TTC3: variants seen among roughly 807,000 people sequenced by gnomAD.
TTC3 encodes E3 ubiquitin-protein ligase TTC3.
Under a neutral mutation model 249.6 loss-of-function variants are expected in TTC3, and 180 were observed. That is an observed-to-expected ratio of 0.72 (90% CI 0.64 to 0.82). The LOEUF (loss-of-function observed/expected upper bound fraction) is 0.82. Among genes scored for constraint, TTC3 ranks in the 40% least tolerant of loss-of-function variants. TTC3 has a pLI of 0.00. For missense variants in TTC3, 2,061 were observed against 2,398.4 expected, an observed-to-expected ratio of 0.86 and a Z score of 2.94; for synonymous variants, 717 against 805.0, an observed-to-expected ratio of 0.89 and a Z score of 1.85.
At position 37,088,459 on chromosome 21, in the gene TTC3, C is replaced by T. The variant is rs1214494370; in HGVS notation, c.338+113C>T. 1.7e-5 allele frequency: 23 copies of T among 1,316,902 alleles called. No individual in the cohort carries two copies. In the East Asian group the frequency reaches 2.1e-4, roughly 12 times the overall value. 81.6% of individuals were successfully genotyped at this position (1,316,902 alleles called of 1,614,324 possible). On this transcript the variant is annotated intron_variant, in intron 4 of 45. Transcript: ENST00000355666. Reference sequence around the variant, plus strand: ...TGTCTTATTCTTGTATGCTGCTCAACGTTTGTGTAATAGGGTGGAAAAAAC... The same window carrying T: ...TGTCTTATTCTTGTATGCTGCTCAATGTTTGTGTAATAGGGTGGAAAAAAC...
intron 18 of TTC3, among the ~76,000 whole-genome samples, chr21:37,135,900 C>G (rs897924079): frequency 6.6e-5 from 10 of 152,108 alleles, no homozygotes; most frequent in Non-Finnish European, 1.5e-4. Context: ...TTGTGGCAAC[C>G]CTGTGTCAAG....
At chr21:37,200,413 G>C in intron 45 of TTC3, 89 bp downstream of exon 45, 1 of 1,360,862 alleles carries the variant, frequency 7.3e-7, no homozygotes, top group South Asian at 1.3e-5. Flanking sequence ...CTAGTCATCA[G>C]TATTTATTGT....
chr21:37,127,697 T>C (rs1212955014), intron 15 of TTC3, among the ~76,000 whole-genome samples: 2 of 152,182 alleles, frequency 1.3e-5, no homozygotes, highest in Non-Finnish European at 2.9e-5. Context: ...CTTGTCTTGT[T>C]TGTTGGGTGG....
At chr21:37,108,513 A>T in intron 11 of TTC3, 67 bp downstream of exon 11, 1 of 1,451,046 alleles carries the variant, frequency 6.9e-7, no homozygotes, top group East Asian at 2.3e-5. Flanking sequence ...ATCTGTTTAT[A>T]GGGTGTGTTT....
chr21:37,167,462 T>A (rs2081349248), intron 33 of TTC3, 93 bp from the exon 34 acceptor site: 3 of 885,830 alleles, frequency 3.4e-6, no homozygotes, highest in South Asian at 1.6e-5. Context: ...CTTGAAAAAA[T>A]TGTGGGTGTG....
rs762816588 is a variant in TTC3 at position 37,150,165 on chromosome 21, TG to T, written c.2207del (p.Cys736LeufsTer8). The stretch of plus-strand genomic sequence containing the variant: ...CTTCAGCAGTGGTGGTGAAGTTAAA[TG>T]TGAAGTAAGTAATAAAGGGGAAACC... On this transcript the variant is annotated frameshift_variant, in exon 24 of 46. Coordinates refer to ENST00000355666, the Ensembl canonical transcript of TTC3. LOFTEE classifies it high-confidence loss of function. The T allele has an allele frequency of 6.2e-7, 1 of 1,611,336 alleles. No homozygotes were observed. Among genetic ancestry groups the T allele is most frequent in the Non-Finnish European group, 8.5e-7 (1 of 1,178,102 alleles).
At chr21:37,199,116 G>A (rs1378227575) in intron 44 of TTC3, among the ~76,000 whole-genome samples, 2 of 152,060 alleles carry the variant, frequency 1.3e-5, no homozygotes, top group East Asian at 1.9e-4. Context: ...TCTCCTCCTG[G>A]GCCGAGTCAT....
At chr21:37,151,128 T>C (rs1169366835) in intron 25 of TTC3, among the ~76,000 whole-genome samples, 1 of 152,192 alleles carries the variant, frequency 6.6e-6, no homozygotes, top group Non-Finnish European at 1.5e-5. Flanking sequence ...ATTAAAATTA[T>C]AACATTTGAT....
intron 34 of TTC3, 139 bp downstream of exon 34, chr21:37,167,759 A>G (rs1215948747): frequency 2.0e-6 from 1 of 489,966 alleles, no homozygotes; most frequent in Non-Finnish European, 3.3e-6. Context: ...ACATAACAAA[A>G]AAATGATTTT....
In TTC3 at chr21:37,166,121, G is replaced by T. The variant is rs141847812; in HGVS notation, c.3907G>T (p.Val1303Leu). The T allele has an allele frequency of 4.4e-5, 71 of 1,614,210 alleles. No homozygotes were observed. The African/African-American group carries it at 8.0e-4, about 18-fold the overall frequency. Residue 1303 changes from valine to leucine, a missense_variant, in exon 33 of 46, where the codon GTG becomes TTG. Around this residue, in one of 3 missense-constraint regions of TTC3, gnomAD observed 1,040 missense variants for 1,186.1 expected, o/e 0.88. Coordinates refer to ENST00000355666, the Ensembl canonical transcript of TTC3. Reference sequence around the variant, plus strand: ...TTCCCCCAAACCGGTTCTTGAGGATGTGAAACCAACTTATTGGGCTCAATC... The same window carrying T: ...TTCCCCCAAACCGGTTCTTGAGGATTTGAAACCAACTTATTGGGCTCAATC...
chr21:37,190,130 C>CTTT lies in TTC3; in HGVS notation c.5025-1177_5025-1175dup, dbSNP rs138862573. ...TTTTAGTGTATAGTTCTTTTTCTTTCTTTTTTTTTTTTTTTTTTTTTTTTT... is the reference window on the plus strand; with the variant it reads ...TTTTAGTGTATAGTTCTTTTTCTTTCTTTTTTTTTTTTTTTTTTTTTTTTTTTT... On this transcript the variant is annotated intron_variant, in intron 39 of 45. Coordinates refer to ENST00000355666, the Ensembl canonical transcript of TTC3. Among the ~76,000 whole-genome samples, 168 of 65,040 alleles carry CTTT rather than the reference C, an allele frequency of 2.6e-3. 19 individuals are homozygous for CTTT. In the East Asian group the frequency reaches 0.037, roughly 14 times the overall value. The allele number at this position is 65,040 out of a possible 152,430, so 42.7% of individuals were successfully genotyped here.
chr21:37,156,548 A>C, intron 27 of TTC3, 107 bp from the exon 28 acceptor site: 1 of 1,403,336 alleles, frequency 7.1e-7, no homozygotes, highest in Admixed American at 2.3e-5. Flanking sequence ...TTTTGCTGAG[A>C]ATATAAGCAA....
chr21:37,144,774 T>G, intron 21 of TTC3, 129 bp downstream of exon 21: 1 of 1,129,032 alleles, frequency 8.9e-7, no homozygotes, highest in Non-Finnish European at 1.2e-6. Context: ...TCCCCTCTAC[T>G]GTCTAATGAG....
rs771606218 is a variant in TTC3 at position 37,108,462 on chromosome 21, A to G, written c.900+16A>G. 3.2e-5 allele frequency: 51 copies of G among 1,609,140 alleles called. No homozygotes were observed. The highest frequency in any genetic ancestry group is 3.8e-5 in the Non-Finnish European group (45 of 1,178,124). Reference sequence around the variant, plus strand: ...TTGGCCAAAGGTAGGTTTCTTCTGTATTTTATATTGAGCAAATAATGCCAT... The same window carrying G: ...TTGGCCAAAGGTAGGTTTCTTCTGTGTTTTATATTGAGCAAATAATGCCAT... On this transcript the variant is annotated intron_variant, in intron 11 of 45. Coordinates refer to ENST00000355666, the Ensembl canonical transcript of TTC3.
chr21:37,197,376 A>C (rs1270576247), intron 42 of TTC3, among the ~76,000 whole-genome samples, 194 bp from the exon 43 acceptor site: 3 of 151,634 alleles, frequency 2.0e-5, no homozygotes, highest in Admixed American at 6.6e-5. Context: ...CAACAGAGTG[A>C]GACACTGTCT....
chr21:37,195,047 T>G (rs531929249), intron 41 of TTC3: 1 of 152,338 alleles, frequency 6.6e-6, no homozygotes, highest in Non-Finnish European at 1.5e-5. Flanking sequence ...CCAGGAGTAC[T>G]AGGGGAAGAG....
intron 11 of TTC3, among the ~76,000 whole-genome samples, chr21:37,112,234 C>T (rs1568949229): frequency 1.3e-5 from 2 of 152,066 alleles, no homozygotes; most frequent in Non-Finnish European, 1.5e-5. Context: ...AAAAACCCTT[C>T]AAAAAATCAG....
At chr21:37,162,635 C>A (rs1326650918) in intron 31 of TTC3, among the ~76,000 whole-genome samples, 1 of 141,344 alleles carries the variant, frequency 7.1e-6, no homozygotes, top group Admixed American at 7.3e-5. Flanking sequence ...TTTCTCATTT[C>A]TTAAAGGAGC....
At chr21:37,157,142 A>G (rs1006712570) in intron 28 of TTC3, 31 of 1,431,922 alleles carry the variant, frequency 2.2e-5, no homozygotes, top group Admixed American at 4.2e-5. Flanking sequence ...AACAATACAC[A>G]ATGTTCTTCC....
Sources: gnomAD v4.1 joint callset for allele counts (sites outside exome capture counted in the v4.1 genomes callset) on GRCh38, gnomAD v4.1.1 for gene constraint, gnomAD v4.1.1 regional missense constraint, MANE v1.5 for transcripts, NCBI Gene and HGNC (gene_info 2026-07-23, HGNC 2026-07-21) for gene names.